Variants in WRN observed in about 807,000 individuals in gnomAD.
WRN encodes the protein bifunctional 3'-5' exonuclease/ATP-dependent helicase WRN.
In WRN, 149 loss-of-function variants were observed where a neutral mutation model predicts 180.7. That is an observed-to-expected ratio of 0.82 (90% CI 0.72 to 0.94). The LOEUF (loss-of-function observed/expected upper bound fraction) is 0.94. Ranked by LOEUF, WRN falls within the 40% of genes least tolerant of loss-of-function variation. The pLI, the probability that WRN is intolerant of heterozygous loss-of-function variation, is 0.00. For synonymous variants in WRN, 548 were observed against 568.9 expected, an observed-to-expected ratio of 0.96 and a Z score of 0.52; for missense variants, 1,661 against 1,700.1, an observed-to-expected ratio of 0.98 and a Z score of 0.40.
At chr8:31,130,013 AAC>A (rs1802089273) in intron 23 of WRN, among the ~76,000 whole-genome samples, 6 of 95,782 alleles carry the variant, frequency 6.3e-5, no homozygotes, top group Admixed American at 1.3e-4. Flanking sequence ...TCAAAAAAAA[AAC>A]AAAACAAAAC....
chr8:31,096,868 A>G lies in WRN; in HGVS notation c.1981+18A>G, dbSNP rs901387948. ...TGATATTGGTAAGTGATAAAGAAAG[A>G]TCTCTGTAAATACTTACTGAGTTAA... On this transcript the variant is annotated intron_variant, in intron 17 of 34. Coordinates refer to ENST00000298139, the MANE Select transcript of WRN (RefSeq NM_000553.6). The G allele has an allele frequency of 6.2e-7, 1 of 1,600,028 alleles. No homozygotes were observed. The highest frequency in any genetic ancestry group is 1.7e-5 in the Admixed American group (1 of 59,998).
At chr8:31,124,824 T>G in intron 22 of WRN, 84 bp from the exon 23 acceptor site, 1 of 1,353,348 alleles carries the variant, frequency 7.4e-7, no homozygotes, top group Non-Finnish European at 1.0e-6. Context: ...CAATTAATGG[T>G]GATTTTACCT....
chr8:31,071,725 G>A (rs962770624), intron 7 of WRN, among the ~76,000 whole-genome samples: 1 of 152,064 alleles, frequency 6.6e-6, no homozygotes, highest in African/African-American at 2.4e-5. Context: ...CAAGTCTTCC[G>A]CCCACCTCAG....
At chr8:31,069,933 G>A (rs1437206953) in intron 7 of WRN, among the ~76,000 whole-genome samples, 4 of 152,036 alleles carry the variant, frequency 2.6e-5, no homozygotes. Context: ...ATGCTTCCAA[G>A]GAATGTTTAT....
chr8:31,162,081 C>G (rs10954779), intron 33 of WRN, among the ~76,000 whole-genome samples: 1 of 151,982 alleles, frequency 6.6e-6, no homozygotes, highest in African/African-American at 2.4e-5. Context: ...GAAACTAAAA[C>G]AAAAGTTAAA....
chr8:31,124,875 C>A (rs374334334), intron 22 of WRN, 33 bp from the exon 23 acceptor site: 73 of 1,583,602 alleles, frequency 4.6e-5, no homozygotes, highest in Middle Eastern at 1.7e-4. Flanking sequence ...CGTTTCTGTT[C>A]TTTTATTTAA....
At chr8:31,083,486 A>C (rs896889585) in intron 9 of WRN, among the ~76,000 whole-genome samples, 3 of 151,836 alleles carry the variant, frequency 2.0e-5, no homozygotes, top group Non-Finnish European at 2.9e-5. Flanking sequence ...ATTCCTAACT[A>C]TTTCTTTCTT....
At chr8:31,134,098 T>C (rs1052859244) in intron 24 of WRN, among the ~76,000 whole-genome samples, 3 of 152,194 alleles carry the variant, frequency 2.0e-5, no homozygotes, top group African/African-American at 7.2e-5. Context: ...AAGTACCACT[T>C]AATGAAAATC....
chr8:31,168,417 A>T (rs1378840791), intron 34 of WRN, among the ~76,000 whole-genome samples: 1 of 143,708 alleles, frequency 7.0e-6, no homozygotes, highest in Non-Finnish European at 1.5e-5. Flanking sequence ...GTGAAATATT[A>T]TTTTAACTAT....
intron 31 of WRN, among the ~76,000 whole-genome samples, chr8:31,151,445 T>C (rs1320450819): frequency 6.6e-6 from 1 of 152,244 alleles, no homozygotes; most frequent in East Asian, 1.9e-4. Flanking sequence ...ATATAGAGTA[T>C]CTTTGGCAAC....
At chr8:31,071,049 A>G (rs1812895822) in intron 7 of WRN, among the ~76,000 whole-genome samples, 1 of 151,588 alleles carries the variant, frequency 6.6e-6, no homozygotes, top group Non-Finnish European at 1.5e-5. Context: ...GTCTCAGAAA[A>G]AAAAAAAAAA....
chr8:31,130,017 AAACAAAAC>A (rs1802091911), intron 23 of WRN, among the ~76,000 whole-genome samples: 1 of 139,720 alleles, frequency 7.2e-6, no homozygotes, highest in Admixed American at 6.8e-5. Context: ...AAAAAAAACA[AAACAAAAC>A]AAAAAAAAAA....
At chr8:31,041,324 A>C (rs1811648660) in intron 1 of WRN, among the ~76,000 whole-genome samples, 1 of 152,198 alleles carries the variant, frequency 6.6e-6, no homozygotes, top group East Asian at 1.9e-4. Flanking sequence ...CAGAGGGAGC[A>C]GATCTTCCCT....
chr8:31,135,299 T>C (rs1440162078), intron 24 of WRN, among the ~76,000 whole-genome samples: 1 of 152,118 alleles, frequency 6.6e-6, no homozygotes. Flanking sequence ...TCTCAGGTGA[T>C]ACCCACCACC....
rs2130479995 is a variant in WRN at position 31,157,359 on chromosome 8, T to C, written c.3820-9T>C. On this transcript the variant is annotated splice_polypyrimidine_tract_variant and intron_variant, in intron 32 of 34. Coordinates refer to ENST00000298139, the MANE Select transcript of WRN (RefSeq NM_000553.6). ...CAACTCACTGGGTTCTTTGCTGATC[T>C]TTCTCTAGAAGAGCATAGCTGAGAG... 1.9e-6 allele frequency: 3 copies of C among 1,613,718 alleles called. No individual in the cohort carries two copies. The highest frequency in any genetic ancestry group is 2.5e-6 in the Non-Finnish European group (3 of 1,180,004).
chr8:31,120,683 A>G (rs1269734635), intron 21 of WRN, among the ~76,000 whole-genome samples: 2 of 152,008 alleles, frequency 1.3e-5, no homozygotes, highest in South Asian at 2.1e-4. Flanking sequence ...AATCAGGACA[A>G]TACTTGGGCC....
At chr8:31,074,977 G>A in intron 7 of WRN, among the ~76,000 whole-genome samples, 1 of 152,150 alleles carries the variant, frequency 6.6e-6, no homozygotes, top group East Asian at 1.9e-4. Flanking sequence ...TAGTCTGGAA[G>A]TGGTGATTTT....
intron 6 of WRN, 84 bp from the exon 7 acceptor site, chr8:31,068,174 T>G: frequency 1.0e-6 from 1 of 1,002,362 alleles, no homozygotes; most frequent in Non-Finnish European, 1.5e-6. Context: ...TGAATCATTC[T>G]CTTCGATTTT....
chr8:31,111,904 A>G, intron 19 of WRN, 105 bp downstream of exon 19: 2 of 1,365,482 alleles, frequency 1.5e-6, no homozygotes, highest in Non-Finnish European at 2.0e-6. Context: ...TGCATATTTA[A>G]CATATTTCAA....
Sources: gnomAD v4.1 joint callset for allele counts (sites outside exome capture counted in the v4.1 genomes callset) on GRCh38, gnomAD v4.1.1 for gene constraint, MANE v1.5 for transcripts, NCBI Gene and HGNC (gene_info 2026-07-23, HGNC 2026-07-21) for gene names.